The following SLCO6A1 variants were observed in gnomAD, a reference collection of about 807,000 sequenced individuals.
SLCO6A1 encodes the protein cancer/testis antigen 48.
A neutral mutation model predicts 72.7 loss-of-function variants in SLCO6A1; 65 were observed. The ratio of observed to expected loss-of-function variants is 0.89; its 90% CI spans 0.73 to 1.10. The LOEUF (loss-of-function observed/expected upper bound fraction) is 1.10, where lower values mean the gene tolerates loss of function less well. SLCO6A1 is among the 50% of genes least tolerant of loss of function. The pLI, the probability that SLCO6A1 is intolerant of heterozygous loss-of-function variation, is 0.00. For missense variants in SLCO6A1, 874 were observed against 872.6 expected, an observed-to-expected ratio of 1.00 and a Z score of -0.02; for synonymous variants, 314 against 298.2, an observed-to-expected ratio of 1.05 and a Z score of -0.55.
Position 102,373,463 on chromosome 5 carries a change from G to A in SLCO6A1, c.2049C>T (p.Phe683=). ...TGTATATGAAAAATGCAATAGTAGT[G>A]AAGATGATAGTGCATAGTTTGCAAA... ...CFLCKLCTII[F]TTIAFFIYKR... The change falls in exon 13 of 14, where the codon TTC becomes TTT. Residue 683 remains phenylalanine (F), a synonymous_variant. Coordinates refer to ENST00000506729, the MANE Select transcript of SLCO6A1 (RefSeq NM_173488.5). 6.4e-7 allele frequency: 1 copy of A among 1,555,574 alleles called. No individual in the cohort carries two copies. Among genetic ancestry groups the A allele is most frequent in the Non-Finnish European group, 8.7e-7 (1 of 1,153,014 alleles).
At chr5:102,447,740 T>C (rs7712282) in intron 6 of SLCO6A1, among the ~76,000 whole-genome samples, 54,239 of 152,018 alleles carry the variant, frequency 0.36, 9,897 homozygotes, top group South Asian at 0.4. Context: ...CATTTCTGAT[T>C]ATGTTTATTT....
At chr5:102,488,472 T>C (rs996842233) in intron 1 of SLCO6A1, among the ~76,000 whole-genome samples, 1 of 152,240 alleles carries the variant, frequency 6.6e-6, no homozygotes, top group Non-Finnish European at 1.5e-5. Flanking sequence ...TATAGTTCCC[T>C]GACCTGTTGA....
chr5:102,426,503 C>A (rs1249773776), intron 7 of SLCO6A1, among the ~76,000 whole-genome samples: 3 of 152,000 alleles, frequency 2.0e-5, no homozygotes, highest in South Asian at 2.1e-4. Flanking sequence ...ATGTGGTCAA[C>A]AAAGACATGA....
intron 6 of SLCO6A1, among the ~76,000 whole-genome samples, chr5:102,452,240 GTT>G (rs1360689683): frequency 6.6e-6 from 1 of 152,144 alleles, no homozygotes; most frequent in African/African-American, 2.4e-5. Context: ...TGAGCTCTCT[GTT>G]CCACACATTT....
At chr5:102,449,462 C>A (rs1306213008) in intron 6 of SLCO6A1, among the ~76,000 whole-genome samples, 1 of 151,896 alleles carries the variant, frequency 6.6e-6, no homozygotes, top group Non-Finnish European at 1.5e-5. Context: ...TCTCGGCTCA[C>A]TGCAAGCTCT....
intron 10 of SLCO6A1, among the ~76,000 whole-genome samples, chr5:102,395,319 C>T (rs1747008666): frequency 6.6e-6 from 1 of 152,010 alleles, no homozygotes; most frequent in South Asian, 2.1e-4. Flanking sequence ...TGATAGTTTG[C>T]TGAGAATGAT....
At chr5:102,489,889 T>A (rs921076148) in intron 1 of SLCO6A1, among the ~76,000 whole-genome samples, 15 of 152,196 alleles carry the variant, frequency 9.9e-5, no homozygotes, top group Non-Finnish European at 7.3e-5. Flanking sequence ...GTGGTATATA[T>A]ACATAATGGA....
intron 8 of SLCO6A1, 28 bp from the exon 9 acceptor site, chr5:102,413,171 T>C (rs988674568): frequency 2.6e-6 from 4 of 1,522,606 alleles, no homozygotes; most frequent in Non-Finnish European, 3.5e-6. Flanking sequence ...AATGTAATCA[T>C]ATTACCATTG....
chr5:102,411,218 T>TAC (rs1488057719), intron 9 of SLCO6A1, among the ~76,000 whole-genome samples: 1 of 151,992 alleles, frequency 6.6e-6, no homozygotes. Context: ...TGATGTAATA[T>TAC]ATATATATGT....
At position 102,420,020 on chromosome 5, in the gene SLCO6A1, T is replaced by C. The variant is rs1326675784; in HGVS notation, c.1278A>G (p.Gly426=). ...LTPTVATTLA[G]LVLIPGGALG... Reference sequence around the variant, plus strand: ...GTGCACCTCCTGGAATTAAAACAAGTCCTAAAAAAAAGGAGGAGAAAAACA... The same window carrying C: ...GTGCACCTCCTGGAATTAAAACAAGCCCTAAAAAAAAGGAGGAGAAAAACA... The change falls in exon 8 of 14, where the codon GGA becomes GGG. Residue 426 remains glycine (G), a splice_region_variant and synonymous_variant. Coordinates refer to ENST00000506729, the MANE Select transcript of SLCO6A1 (RefSeq NM_173488.5). 6.4e-7 allele frequency: 1 copy of C among 1,560,954 alleles called. No homozygotes were observed. The highest frequency in any genetic ancestry group is 1.2e-5 in the South Asian group (1 of 82,280).
At chr5:102,452,406 G>C (rs73776939) in intron 6 of SLCO6A1, among the ~76,000 whole-genome samples, 1,645 of 151,908 alleles carry the variant, frequency 0.011, 28 homozygotes, top group African/African-American at 0.033. Context: ...TATTCTTACA[G>C]CTATAGAGAG....
chr5:102,490,841 C>T (rs1180992217), intron 1 of SLCO6A1, among the ~76,000 whole-genome samples: 1 of 152,038 alleles, frequency 6.6e-6, no homozygotes, highest in African/African-American at 2.4e-5. Flanking sequence ...CAGTGTGGAC[C>T]CAAAGAGTGA....
chr5:102,425,110 G>A (rs1198070752), intron 7 of SLCO6A1, among the ~76,000 whole-genome samples: 1 of 152,038 alleles, frequency 6.6e-6, no homozygotes, highest in African/African-American at 2.4e-5. Context: ...GGTATTGATG[G>A]AGCATATATC....
In SLCO6A1 at chr5:102,399,558, G is replaced by C. The variant is rs139495343; in HGVS notation, c.1811C>G (p.Thr604Arg). The C allele has an allele frequency of 1.2e-5, 19 of 1,532,482 alleles. No homozygotes were observed. Among genetic ancestry groups the C allele is most frequent in the Non-Finnish European group, 1.7e-5 (19 of 1,136,160 alleles). 94.9% of individuals were successfully genotyped at this position (1,532,482 alleles called of 1,614,324 possible). The change falls in exon 10 of 14, where the codon ACG becomes AGG. Residue 604 changes from threonine to arginine, a missense_variant. Thr to Arg is a moderately conservative substitution (Grantham distance 71). Transcript: ENST00000506729. Reference sequence around the variant, plus strand: ...ATAATGAGTAATATATACATACCGCGTCATGGCCAAGACGATTGGTACACC... The same window carrying C: ...ATAATGAGTAATATATACATACCGCCTCATGGCCAAGACGATTGGTACACC... ...FSGVPIVLAMTRVVPDKLRSL... is the reference protein window; with the variant it reads ...FSGVPIVLAMRRVVPDKLRSL...
chr5:102,434,084 A>G (rs530036669), intron 7 of SLCO6A1, among the ~76,000 whole-genome samples: 1 of 152,038 alleles, frequency 6.6e-6, no homozygotes, highest in African/African-American at 2.4e-5. Flanking sequence ...GACTATTTAT[A>G]TTTAACATAA....
chr5:102,420,191 T>TTTA (rs1748516264), intron 7 of SLCO6A1, among the ~76,000 whole-genome samples, 170 bp from the exon 8 acceptor site: 1 of 152,176 alleles, frequency 6.6e-6, no homozygotes, highest in Non-Finnish European at 1.5e-5. Context: ...CGAACCTTAA[T>TTTA]AGAAACAAAA....
At chr5:102,472,038 T>C (rs1751653527) in intron 4 of SLCO6A1, among the ~76,000 whole-genome samples, 1 of 151,964 alleles carries the variant, frequency 6.6e-6, no homozygotes, top group Non-Finnish European at 1.5e-5. Context: ...ATCTTAAGCT[T>C]CCCCTGCCTT....
Position 102,475,679 on chromosome 5 carries a change from G to T in SLCO6A1, c.899+18C>A. ...ATTTTATACAATGTAAACAAAAAAA[G>T]AAAAAATAATGCCTTACTTTGTTGC... On this transcript the variant is annotated intron_variant, in intron 4 of 13. Coordinates refer to ENST00000506729, the MANE Select transcript of SLCO6A1 (RefSeq NM_173488.5). 9.6e-6 allele frequency: 15 copies of T among 1,563,952 alleles called. No homozygotes were observed. The highest frequency in any genetic ancestry group is 1.3e-5 in the Non-Finnish European group (15 of 1,152,894).
intron 4 of SLCO6A1, among the ~76,000 whole-genome samples, chr5:102,473,705 A>G (rs1296266744): frequency 6.6e-6 from 1 of 151,980 alleles, no homozygotes; most frequent in Non-Finnish European, 1.5e-5. Context: ...GATCTTATAT[A>G]TAGAAAACCC....
Sources: allele counts gnomAD v4.1 joint callset (sites outside exome capture counted in the v4.1 genomes callset), GRCh38; gene constraint gnomAD v4.1.1; transcripts MANE v1.5; gene names NCBI Gene and HGNC (gene_info 2026-07-23, HGNC 2026-07-21).